TNIK: variants seen among roughly 807,000 people sequenced by gnomAD.
TNIK encodes TRAF2 and NCK interacting kinase, also known as TRAF2 and NCK-interacting protein kinase.
TNIK carries 49 observed loss-of-function variants against 191.3 expected under a neutral mutation model. The ratio of observed to expected loss-of-function variants is 0.26; its 90% confidence interval spans 0.20 to 0.32. TNIK has a LOEUF of 0.32. Ranked by LOEUF, TNIK falls within the 10% of genes least tolerant of loss-of-function variation. TNIK has a pLI of 1.00. For missense variants in TNIK, 1,155 were observed against 1,702.3 expected, an observed-to-expected ratio of 0.68 and a Z score of 5.66; for synonymous variants, 594 against 600.9, an observed-to-expected ratio of 0.99 and a Z score of 0.17.
intron 23 of TNIK, among the ~76,000 whole-genome samples, chr3:171,091,732 C>T (rs61792362): frequency 0.063 from 9,559 of 151,636 alleles, 389 homozygotes; most frequent in Middle Eastern, 0.13. Context: ...GAGACTCCAT[C>T]TCCAAAAATA....
At chr3:171,439,101 T>C (rs1214265661) in intron 1 of TNIK, among the ~76,000 whole-genome samples, 1 of 152,124 alleles carries the variant, frequency 6.6e-6, no homozygotes, top group East Asian at 1.9e-4. Flanking sequence ...TCCCAGCACT[T>C]TGGGAGGCCG....
intron 23 of TNIK, among the ~76,000 whole-genome samples, chr3:171,091,826 G>A (rs966634941): frequency 1.3e-5 from 2 of 151,982 alleles, no homozygotes; most frequent in Admixed American, 1.3e-4. Flanking sequence ...AATACAGTTT[G>A]TTATTTAAAA....
intron 1 of TNIK, among the ~76,000 whole-genome samples, chr3:171,430,081 G>GCA (rs1424610494): frequency 6.6e-6 from 1 of 152,130 alleles, no homozygotes; most frequent in Non-Finnish European, 1.5e-5. Flanking sequence ...GTAAGGCTAT[G>GCA]CACGCTAAAG....
intron 2 of TNIK, among the ~76,000 whole-genome samples, chr3:171,342,404 G>A (rs556170114): frequency 2.4e-4 from 37 of 152,294 alleles, no homozygotes; most frequent in African/African-American, 8.4e-4. Context: ...GTAGGAATAC[G>A]TGTTCTCCAC....
intron 1 of TNIK, among the ~76,000 whole-genome samples, chr3:171,384,827 T>C (rs887584314): frequency 1.3e-5 from 2 of 152,224 alleles, no homozygotes; most frequent in Non-Finnish European, 2.9e-5. Flanking sequence ...CTTCATCGTT[T>C]ATAATTTTTC....
chr3:171,174,209 G>T (rs765063057), intron 9 of TNIK, among the ~76,000 whole-genome samples: 10 of 152,106 alleles, frequency 6.6e-5, no homozygotes, highest in Non-Finnish European at 1.2e-4. Context: ...TAGATGACTG[G>T]TGGTAATTAA....
chr3:171,117,595 A>ACTG (rs1726943125), intron 18 of TNIK, among the ~76,000 whole-genome samples: 1 of 152,246 alleles, frequency 6.6e-6, no homozygotes, highest in Non-Finnish European at 1.5e-5. Flanking sequence ...AAGGCAAGGA[A>ACTG]CTGCAGGCAT....
intron 1 of TNIK, among the ~76,000 whole-genome samples, chr3:171,400,724 T>G (rs1030811798): frequency 2.6e-5 from 4 of 152,206 alleles, no homozygotes; most frequent in Non-Finnish European, 5.9e-5. Context: ...TTGGAAACAC[T>G]TAACACATGA....
At chr3:171,211,636 A>G (rs1740838006) in intron 3 of TNIK, among the ~76,000 whole-genome samples, 1 of 152,194 alleles carries the variant, frequency 6.6e-6, no homozygotes, top group Non-Finnish European at 1.5e-5. Flanking sequence ...AAAGATATTA[A>G]AACCGTGGGC....
intron 10 of TNIK, among the ~76,000 whole-genome samples, chr3:171,165,279 C>CAAAAAAT (rs1384346335): frequency 2.0e-5 from 3 of 151,520 alleles, no homozygotes; most frequent in Admixed American, 6.6e-5. Context: ...GAGCCTGTCT[C>CAAAAAAT]AAAAAATAAA....
At chr3:171,422,143 T>C (rs1469701208) in intron 1 of TNIK, among the ~76,000 whole-genome samples, 4 of 152,196 alleles carry the variant, frequency 2.6e-5, no homozygotes, top group Non-Finnish European at 4.4e-5. Flanking sequence ...GAACTAGCAA[T>C]GTGTCCACCA....
intron 23 of TNIK, among the ~76,000 whole-genome samples, chr3:171,088,211 C>A (rs1376433114): frequency 6.6e-6 from 1 of 151,756 alleles, no homozygotes; most frequent in Admixed American, 6.6e-5. Context: ...TCTAATATCC[C>A]TTTTTAATGT....
At chr3:171,308,187 A>C (rs989142346) in intron 2 of TNIK, among the ~76,000 whole-genome samples, 4 of 152,200 alleles carry the variant, frequency 2.6e-5, no homozygotes, top group African/African-American at 9.6e-5. Context: ...CTACAGTGCT[A>C]TAGTAACCAA....
Position 171,126,160 on chromosome 3 carries a change from C to A in TNIK, c.1774-9G>T. 3 of 1,486,720 alleles carry A rather than the reference C, an allele frequency of 2.0e-6. No homozygotes were observed. Among genetic ancestry groups the A allele is most frequent in the Admixed American group, 2.4e-5 (1 of 41,286 alleles). The allele number at this position is 1,486,720 out of a possible 1,614,324, so 92.1% of individuals were successfully genotyped here. A position where few individuals can be genotyped will look rare whatever the true frequency, so the allele number is the denominator to read the frequency against. On this transcript the variant is annotated splice_polypyrimidine_tract_variant and intron_variant, in intron 16 of 32. Transcript: ENST00000436636. ...GCTACCAGATGTGGGATCTAAGCAT[C>A]AAAACAACATGAAAACAGCACTATT...
intron 2 of TNIK, among the ~76,000 whole-genome samples, chr3:171,270,275 T>A (rs954330987): frequency 2.0e-5 from 3 of 152,182 alleles, no homozygotes. Flanking sequence ...ATATTTACAA[T>A]ACTGTTTGGT....
At chr3:171,333,765 G>T (rs761713882) in intron 2 of TNIK, among the ~76,000 whole-genome samples, 1 of 152,146 alleles carries the variant, frequency 6.6e-6, no homozygotes, top group Non-Finnish European at 1.5e-5. Context: ...GTCTTTCAAA[G>T]ATTTTAGCAA....
intron 1 of TNIK, among the ~76,000 whole-genome samples, chr3:171,405,786 CTATT>C (rs1296605269): frequency 6.6e-6 from 1 of 152,134 alleles, no homozygotes; most frequent in African/African-American, 2.4e-5. Flanking sequence ...GTAAGAAACA[CTATT>C]TAATATAAAA....
At chr3:171,270,490 C>T (rs532464829) in intron 2 of TNIK, among the ~76,000 whole-genome samples, 1 of 152,324 alleles carries the variant, frequency 6.6e-6, no homozygotes, top group South Asian at 2.1e-4. Flanking sequence ...AAAATACCCA[C>T]ATCGTTAGTG....
chr3:171,258,675 C>T (rs963753056), intron 2 of TNIK, among the ~76,000 whole-genome samples: 3 of 152,118 alleles, frequency 2.0e-5, no homozygotes, highest in Non-Finnish European at 2.9e-5. Context: ...TTTAGGACTT[C>T]GCTCCATTTC....
Sources: allele counts gnomAD v4.1 joint callset (sites outside exome capture counted in the v4.1 genomes callset), GRCh38; gene constraint gnomAD v4.1.1; transcripts MANE v1.5; gene names NCBI Gene and HGNC (gene_info 2026-07-23, HGNC 2026-07-21).